The following KDM4C variants were observed in gnomAD, a reference collection of about 807,000 sequenced individuals.
KDM4C encodes the protein lysine demethylase 4C, also known as lysine-specific demethylase 4C.
A neutral mutation model predicts 129.3 loss-of-function variants in KDM4C; 81 were observed. That is an observed-to-expected ratio of 0.63 (90% CI 0.52 to 0.75). KDM4C has a LOEUF of 0.75. Among genes scored for constraint, KDM4C ranks in the 30% least tolerant of loss-of-function variants. The probability of loss-of-function intolerance (pLI) is 0.00; values close to 1 mark genes in which losing one functional copy is unlikely to be tolerated. For missense variants in KDM4C, 1,457 were observed against 1,304.0 expected (o/e 1.12, Z -1.81); for synonymous variants, 573 against 456.1 (o/e 1.26, Z -3.26).
chr9:6,791,560 A>AG (rs1826621842), intron 1 of KDM4C, among the ~76,000 whole-genome samples: 1 of 152,224 alleles, frequency 6.6e-6, no homozygotes, highest in Admixed American at 6.5e-5. Context: ...TAATTACTGT[A>AG]GGAAGGCATG....
At chr9:7,138,750 T>C (rs1841462984) in intron 19 of KDM4C, among the ~76,000 whole-genome samples, 1 of 151,996 alleles carries the variant, frequency 6.6e-6, no homozygotes, top group Non-Finnish European at 1.5e-5. Context: ...GCCCAGGAAG[T>C]TTGAGGTTAC....
At chr9:7,007,038 A>C (rs982752236) in intron 12 of KDM4C, among the ~76,000 whole-genome samples, 2 of 152,244 alleles carry the variant, frequency 1.3e-5, no homozygotes, top group Non-Finnish European at 2.9e-5. Flanking sequence ...AGGTTTCTTC[A>C]GTACATTGAT....
At chr9:6,910,623 T>G (rs1819120565) in intron 8 of KDM4C, among the ~76,000 whole-genome samples, 1 of 152,192 alleles carries the variant, frequency 6.6e-6, no homozygotes, top group Admixed American at 6.5e-5. Context: ...CTCAGTGCAG[T>G]TTTAAACTAT....
chr9:6,930,543 A>C (rs529558809), intron 8 of KDM4C, among the ~76,000 whole-genome samples: 3 of 97,500 alleles, frequency 3.1e-5, no homozygotes, highest in African/African-American at 1.1e-4. Context: ...TATGTGTTAT[A>C]TATAACAACA....
At chr9:6,735,003 T>C (rs1464712802) in intron 1 of KDM4C, 12 of 538,248 alleles carry the variant, frequency 2.2e-5, no homozygotes, top group Non-Finnish European at 4.0e-5. Context: ...AGGGTTTGGG[T>C]ATTACTGCAT....
chr9:6,764,371 A>G (rs149237412), intron 1 of KDM4C, among the ~76,000 whole-genome samples: 101 of 152,322 alleles, frequency 6.6e-4, no homozygotes, highest in African/African-American at 2.3e-3. Flanking sequence ...TAATTGGTTC[A>G]TTTATATGTT....
At chr9:7,166,458 A>C (rs12379356) in intron 20 of KDM4C, among the ~76,000 whole-genome samples, 1 of 20,500 alleles carries the variant, frequency 4.9e-5, no homozygotes, top group African/African-American at 2.3e-4. Context: ...GTATGTGTGT[A>C]TGTGTGTCTG....
At chr9:6,874,572 CT>C (rs201979776) in intron 5 of KDM4C, among the ~76,000 whole-genome samples, 4 of 152,112 alleles carry the variant, frequency 2.6e-5, no homozygotes, top group Non-Finnish European at 5.9e-5. Context: ...AATTAGATGA[CT>C]TTTTTTGTGG....
Position 6,919,223 on chromosome 9 carries a change from C to CTTTCTTTCTTTCTTTCT in KDM4C, c.921+25993_921+25994insTCTTTCTTTCTTTCTTT, listed in dbSNP as rs532687391. 3.6e-3 allele frequency among the ~76,000 whole-genome samples: 393 copies of CTTTCTTTCTTTCTTTCT among 108,972 alleles called. 12 individuals are homozygous for CTTTCTTTCTTTCTTTCT. The highest frequency in any genetic ancestry group is 0.011 in the Middle Eastern group (2 of 188). 71.5% of individuals were successfully genotyped at this position (108,972 alleles called of 152,430 possible). A position where few individuals can be genotyped will look rare whatever the true frequency, so the allele number is the denominator to read the frequency against. On this transcript the variant is annotated intron_variant, in intron 8 of 21. Coordinates refer to ENST00000381309, the MANE Select transcript of KDM4C (RefSeq NM_015061.6). The stretch of plus-strand genomic sequence containing the variant: ...TTACAGATTCTGAATTTTCTTTTTC[C>CTTTCTTTCTTTCTTTCT]TTCTTTCTTTCTTTCTTTCTTTCTT...
intron 8 of KDM4C, among the ~76,000 whole-genome samples, chr9:6,940,763 T>C (rs1361817407): frequency 6.6e-6 from 1 of 152,220 alleles, no homozygotes; most frequent in East Asian, 1.9e-4. Context: ...GTAACTACCA[T>C]ATTCCTTTCC....
chr9:6,856,578 G>GTGTGTGTGTGTGTGTA (rs1554721137), intron 5 of KDM4C, among the ~76,000 whole-genome samples: 1 of 132,372 alleles, frequency 7.6e-6, no homozygotes, highest in African/African-American at 2.9e-5. Flanking sequence ...GTGTGTGTGT[G>GTGTGTGTGTGTGTGTA]TGTATTTTTT....
chr9:6,983,604 AC>A (rs1817157177), intron 9 of KDM4C, among the ~76,000 whole-genome samples: 1 of 115,614 alleles, frequency 8.6e-6, no homozygotes, highest in Non-Finnish European at 2.0e-5. Context: ...ACACACACAC[AC>A]ACACACACCA....
intron 4 of KDM4C, among the ~76,000 whole-genome samples, chr9:6,824,251 T>C (rs1020776901): frequency 9.8e-5 from 15 of 152,350 alleles, no homozygotes; most frequent in Admixed American, 3.3e-4. Context: ...TCTGAGTTCA[T>C]TGGTGACAGG....
rs190528010 is a variant in KDM4C at position 6,868,730 on chromosome 9, C to T, written c.630-11282C>T. Among the ~76,000 whole-genome samples the T allele has an allele frequency of 2.6e-5, 4 of 151,938 alleles. No individual in the cohort carries two copies. In the East Asian group the frequency reaches 7.7e-4, roughly 29 times the overall value. On this transcript the variant is annotated intron_variant, in intron 5 of 21. Coordinates refer to ENST00000381309, the MANE Select transcript of KDM4C (RefSeq NM_015061.6). ...TTTTTGATCTGTGATTGGTTGACTC[C>T]ATGGATGTGGGACTCTCGGTGTGGA...
In KDM4C at chr9:7,049,161, A is replaced by T. The variant is rs1281419600; in HGVS notation, c.2385A>T (p.Gln795His). ...VRFTNVPERT[Q>H]IDVGRIPLQR... ...TCACTAATGTCCCAGAAAGGACACA[A>T]ATAGATGTAGGCAGAATACCTTTAC... Residue 795 changes from glutamine to histidine, a missense_variant, in exon 17 of 22, where the codon CAA (glutamine) becomes CAT (histidine). By Grantham distance (24) the Gln-to-His change is conservative (BLOSUM62 0). Transcript: ENST00000381309. The T allele has an allele frequency of 6.2e-7, 1 of 1,611,884 alleles. No homozygotes were observed. The highest frequency in any genetic ancestry group is 1.7e-5 in the Admixed American group (1 of 59,914).
At chr9:6,787,540 C>T (rs944636435) in intron 1 of KDM4C, among the ~76,000 whole-genome samples, 20 of 152,232 alleles carry the variant, frequency 1.3e-4, no homozygotes, top group African/African-American at 4.6e-4. Flanking sequence ...GGCCCAGAGC[C>T]ATTCTTCTGT....
chr9:6,873,931 T>C (rs201768273), intron 5 of KDM4C, among the ~76,000 whole-genome samples: 3 of 105,930 alleles, frequency 2.8e-5, no homozygotes, highest in Non-Finnish European at 6.3e-5. Flanking sequence ...AGAGAGAGAG[T>C]GAGAGAGAGC....
chr9:6,972,175 G>C (rs1832097108), intron 8 of KDM4C, among the ~76,000 whole-genome samples: 1 of 152,010 alleles, frequency 6.6e-6, no homozygotes, highest in Non-Finnish European at 1.5e-5. Flanking sequence ...TCAAGAGAGA[G>C]ACCTTGATCT....
chr9:7,148,897 G>C (rs1842464695), intron 19 of KDM4C, among the ~76,000 whole-genome samples: 1 of 152,154 alleles, frequency 6.6e-6, no homozygotes, highest in Non-Finnish European at 1.5e-5. Context: ...CACTTGATTG[G>C]CTAAAACTTC....
Sources: gnomAD v4.1 joint callset for allele counts (sites outside exome capture counted in the v4.1 genomes callset) on GRCh38, gnomAD v4.1.1 for gene constraint, MANE v1.5 for transcripts, NCBI Gene and HGNC (gene_info 2026-07-23, HGNC 2026-07-21) for gene names.